CELSR1: variants seen among roughly 807,000 people sequenced by gnomAD.
The protein encoded by CELSR1 is cadherin EGF LAG seven-pass G-type receptor 1, also known as adhesion G protein-coupled receptor C1.
Under a neutral mutation model 249.1 loss-of-function variants are expected in CELSR1, and 110 were observed. That is an observed-to-expected ratio of 0.44 (90% confidence interval 0.38 to 0.52). The LOEUF (loss-of-function observed/expected upper bound fraction) is 0.52. Ranked by LOEUF, CELSR1 falls within the 20% of genes least tolerant of loss-of-function variation. The pLI is 0.00. For missense variants in CELSR1, 4,109 were observed against 4,296.4 expected (o/e 0.96, Z 1.22); for synonymous variants, 2,113 against 1,900.0 (o/e 1.11, Z -2.92).
In CELSR1 at chr22:46,397,674, C is replaced by T; in HGVS notation, c.5701G>A (p.Gly1901Arg). 6.7e-7 allele frequency: 1 copy of T among 1,501,984 alleles called. No individual in the cohort carries two copies. The highest frequency in any genetic ancestry group is 9.0e-7 in the Non-Finnish European group (1 of 1,117,022). The allele number at this position is 1,501,984 out of a possible 1,614,324, so 93.0% of individuals were successfully genotyped here. The change falls in exon 12 of 35, where the codon GGG (glycine) becomes AGG (arginine). Residue 1901 changes from glycine to arginine, a missense_variant and splice_region_variant. Gly to Arg is a moderately radical substitution (Grantham distance 125). Around this residue, in one of 7 missense-constraint regions of CELSR1, gnomAD observed 1,805 missense variants for 1,831.6 expected, o/e 0.99. Transcript: ENST00000674500. ...WEDYSCVCDKGYLGINCVDAC... is the reference protein window; with the variant it reads ...WEDYSCVCDKRYLGINCVDAC... ...AAGGGCCCCGGGAGGGCGGTCCCAC[C>T]TTTGTCACAGACGCAGCTGTAGTCC... is the stretch of plus-strand genomic sequence containing the variant.
chr22:46,490,993 C>T lies in CELSR1; in HGVS notation c.3545-26648G>A, dbSNP rs1490794258. On this transcript the variant is annotated intron_variant, in intron 1 of 34. Transcript: ENST00000674500. The surrounding 1 kb of genome is among the most constrained non-coding windows in gnomAD (Gnocchi z 5.2). ...GGGGGATTTTGTTCCCCTACAAGTT[C>T]AGGACCTCGGAAGTCAGGAGACGCC... Among the ~76,000 whole-genome samples the T allele has an allele frequency of 6.6e-6, 1 of 152,102 alleles. No homozygotes were observed. Among genetic ancestry groups the T allele is most frequent in the Non-Finnish European group, 1.5e-5 (1 of 68,028 alleles).
rs138188369 is a variant in CELSR1 at position 46,365,370 on chromosome 22, G to A, written c.8415C>T (p.Ser2805=). 9.3e-4 allele frequency: 1,506 copies of A among 1,612,752 alleles called. 5 individuals are homozygous for A. The Middle Eastern group carries it at 9.4e-3, about 10-fold the overall frequency. ...RSCKDPPGHD[S]DSDSELSLDE... Reference sequence around the variant, plus strand: ...CCAGGGACAGCTCGCTATCTGAGTCGGAATCGTGGCCTGTGGATGCGCGGG... The same window carrying A: ...CCAGGGACAGCTCGCTATCTGAGTCAGAATCGTGGCCTGTGGATGCGCGGG... The change falls in exon 32 of 35, where the codon TCC becomes TCT. Residue 2805 remains serine, a synonymous_variant. Transcript: ENST00000674500.
At chr22:46,502,328 G>C (rs1326833084) in intron 1 of CELSR1, among the ~76,000 whole-genome samples, 2 of 126,644 alleles carry the variant, frequency 1.6e-5, no homozygotes, top group Admixed American at 1.6e-4. Flanking sequence ...AGGAAGAGGG[G>C]AGGGTAGGGA....
intron 28 of CELSR1, 99 bp downstream of exon 28, chr22:46,367,630 G>A (rs964173169): frequency 5.7e-5 from 85 of 1,484,242 alleles, no homozygotes; most frequent in Non-Finnish European, 1.0e-5. Context: ...CCCAGGCAGG[G>A]CTGGTTTGGG....
At chr22:46,491,304 C>A (rs993424248) in intron 1 of CELSR1, among the ~76,000 whole-genome samples, 4 of 149,274 alleles carry the variant, frequency 2.7e-5, no homozygotes, top group Non-Finnish European at 5.9e-5. Flanking sequence ...AGCTCTGTCG[C>A]CCAGGCTGGA....
At position 46,535,335 on chromosome 22, in the gene CELSR1, C is replaced by G. The variant is rs776975951; in HGVS notation, c.1836G>C (p.Leu612=). 1.2e-6 allele frequency: 2 copies of G among 1,612,360 alleles called. No individual in the cohort carries two copies. The highest frequency in any genetic ancestry group is 1.7e-6 in the Non-Finnish European group (2 of 1,179,954). ...YRLVDTASTF[L]GGGSAGPKNP... Reference sequence around the variant, plus strand: ...TCTTAGGCCCAGCGCTGCCGCCCCCCAGAAAGGTGGAGGCCGTGTCCACCA... The same window carrying G: ...TCTTAGGCCCAGCGCTGCCGCCCCCGAGAAAGGTGGAGGCCGTGTCCACCA... Residue 612 remains leucine, a synonymous_variant, in exon 1 of 35, where the codon CTG becomes CTC. Transcript: ENST00000674500.
intron 1 of CELSR1, among the ~76,000 whole-genome samples, chr22:46,529,197 C>A (rs5768901): frequency 0.68 from 101,915 of 150,660 alleles, 35,828 homozygotes; most frequent in African/African-American, 0.88. Context: ...ACCCAGGAGG[C>A]GGAGCTTGCA....
Position 46,534,456 on chromosome 22 carries a change from A to G in CELSR1, c.2715T>C (p.Ala905=). 6.2e-7 allele frequency: 1 copy of G among 1,613,028 alleles called. No individual in the cohort carries two copies. The highest frequency in any genetic ancestry group is 8.5e-7 in the Non-Finnish European group (1 of 1,179,998). The change falls in exon 1 of 35, where the codon GCT becomes GCC. Residue 905 remains alanine, a synonymous_variant. Transcript: ENST00000674500. This position sits in a 1 kb window ranked among gnomAD's most constrained non-coding sequence, Gnocchi z 9.7. ...CCTGGAGGATGCTGGTCGAGGGTGG[A>G]GCATCCTCAAAGATGGAACCCTGGT... ...DFYQGSIFED[A]PPSTSILQVS... is the part of the protein sequence containing the mutation.
chr22:46,517,280 G>A lies in CELSR1; in HGVS notation c.3544+16347C>T, dbSNP rs1294595315. 6.6e-6 allele frequency among the ~76,000 whole-genome samples: 1 copy of A among 152,214 alleles called. No homozygotes were observed. The highest frequency in any genetic ancestry group is 1.5e-5 in the Non-Finnish European group (1 of 68,034). On this transcript the variant is annotated intron_variant, in intron 1 of 34. Transcript: ENST00000674500. The surrounding 1 kb of genome is among the most constrained non-coding windows in gnomAD (Gnocchi z 5.4). ...AAAATGCTGGGCCGATGACCCGCAG[G>A]AAAAACAGGAGGGAAGAGAGAATTC...
At position 46,389,350 on chromosome 22, in the gene CELSR1, C is replaced by T. The variant is rs1389564669; in HGVS notation, c.6495G>A (p.Gln2165=). ...CGAAGCCCTGCTGCCAGCTCTCGTGCTGAAGGACGTGGCCCAGCAGCTGGT... is the reference window on the plus strand; with the variant it reads ...CGAAGCCCTGCTGCCAGCTCTCGTGTTGAAGGACGTGGCCCAGCAGCTGGT... ...TAYQLLGHVL[Q]HESWQQGFDL... The change falls in exon 18 of 35, where the codon CAG becomes CAA. Residue 2165 remains glutamine (Q), a synonymous_variant. Coordinates refer to ENST00000674500, the MANE Select transcript of CELSR1 (RefSeq NM_001378328.1). The T allele has an allele frequency of 2.5e-6, 4 of 1,611,010 alleles. No individual in the cohort carries two copies. The highest frequency in any genetic ancestry group is 2.5e-6 in the Non-Finnish European group (3 of 1,179,870).
In CELSR1 at chr22:46,526,757, C is replaced by T. The variant is rs529313495; in HGVS notation, c.3544+6870G>A. On this transcript the variant is annotated intron_variant, in intron 1 of 34. Coordinates refer to ENST00000674500, the MANE Select transcript of CELSR1 (RefSeq NM_001378328.1). The surrounding 1 kb of genome is among the most constrained non-coding windows in gnomAD (Gnocchi z 4.7). Reference sequence around the variant, plus strand: ...CTATTCGGGCCATGGCTCCTCAAGGCTGGGCCTGGGTCCCCTCCTAACTGC... The same window carrying T: ...CTATTCGGGCCATGGCTCCTCAAGGTTGGGCCTGGGTCCCCTCCTAACTGC... Among the ~76,000 whole-genome samples the T allele has an allele frequency of 1.2e-4, 18 of 152,340 alleles. No homozygotes were observed. The highest frequency in any genetic ancestry group is 4.3e-4 in the African/African-American group (18 of 41,586).
chr22:46,503,793 G>A (rs1249887674), intron 1 of CELSR1, among the ~76,000 whole-genome samples: 1 of 152,234 alleles, frequency 6.6e-6, no homozygotes, highest in Admixed American at 6.5e-5. Context: ...ACTTTGGGAG[G>A]CTGAGGCAGG....
intron 32 of CELSR1, 35 bp from the exon 33 acceptor site, chr22:46,364,771 C>T (rs1414489911): frequency 1.9e-6 from 3 of 1,582,980 alleles, no homozygotes; most frequent in Non-Finnish European, 2.6e-6. Context: ...CAGGCAGCGG[C>T]ACTGCCACTC....
At chr22:46,522,031 A>C (rs1271480277) in intron 1 of CELSR1, among the ~76,000 whole-genome samples, 1 of 152,146 alleles carries the variant, frequency 6.6e-6, no homozygotes, top group African/African-American at 2.4e-5. Context: ...TTTTGACCAC[A>C]GTCATCCTAA....
chr22:46,369,582 G>GC (rs1429096485), intron 26 of CELSR1, 110 bp downstream of exon 26: 4 of 950,324 alleles, frequency 4.2e-6, no homozygotes, highest in African/African-American at 3.3e-5. Flanking sequence ...GGCCCTTCCT[G>GC]CCCCCCGTCG....
rs1342561685 is a variant in CELSR1 at position 46,390,076 on chromosome 22, A to G, written c.6345+316T>C. ...GATAGCGAGTGGGAGACGTGGGAAC[A>G]AAAGCCATGAAATAGGGCAGGATCA... is the stretch of plus-strand genomic sequence containing the variant. On this transcript the variant is annotated intron_variant, in intron 17 of 34. Coordinates refer to ENST00000674500, the MANE Select transcript of CELSR1 (RefSeq NM_001378328.1). This position sits in a 1 kb window ranked among gnomAD's most constrained non-coding sequence, Gnocchi z 6.3. Among the ~76,000 whole-genome samples, 1 of 152,238 alleles carries G rather than the reference A, an allele frequency of 6.6e-6. No individual in the cohort carries two copies. Among genetic ancestry groups the G allele is most frequent in the African/African-American group, 2.4e-5 (1 of 41,466 alleles).
In CELSR1 at chr22:46,374,022, G is replaced by A. The variant is rs973807077; in HGVS notation, c.7585-965C>T. Among the ~76,000 whole-genome samples, 4 of 152,192 alleles carry A rather than the reference G, an allele frequency of 2.6e-5. No homozygotes were observed. The highest frequency in any genetic ancestry group is 4.8e-5 in the African/African-American group (2 of 41,454). ...GCCACCCTCCAGAAACAACGCCCCCGAGGTGGGGAGGGCCCCAAGTCAGCA... is the reference window on the plus strand; with the variant it reads ...GCCACCCTCCAGAAACAACGCCCCCAAGGTGGGGAGGGCCCCAAGTCAGCA... On this transcript the variant is annotated intron_variant, in intron 24 of 34. Coordinates refer to ENST00000674500, the MANE Select transcript of CELSR1 (RefSeq NM_001378328.1). The surrounding 1 kb of genome is among the most constrained non-coding windows in gnomAD (Gnocchi z 4.3).
intron 14 of CELSR1, 140 bp downstream of exon 14, chr22:46,394,002 G>T: frequency 8.8e-7 from 1 of 1,132,302 alleles, no homozygotes; most frequent in East Asian, 2.4e-5. Context: ...ACACAAATGT[G>T]ATGTGAGTGG....
At position 46,517,228 on chromosome 22, in the gene CELSR1, C is replaced by T. The variant is rs1475400768; in HGVS notation, c.3544+16399G>A. ...CCCCTGAAGGGGCTTGGCCCATTTT[C>T]CCACTGCTCCACCTTTGCTCTGGCA... On this transcript the variant is annotated intron_variant, in intron 1 of 34. Transcript: ENST00000674500. The surrounding 1 kb of genome is among the most constrained non-coding windows in gnomAD (Gnocchi z 5.4). Among the ~76,000 whole-genome samples, 3 of 152,250 alleles carry T rather than the reference C, an allele frequency of 2.0e-5. No individual in the cohort carries two copies. Among genetic ancestry groups the T allele is most frequent in the Non-Finnish European group, 4.4e-5 (3 of 68,038 alleles).
Sources: gnomAD v4.1 joint callset for allele counts (sites outside exome capture counted in the v4.1 genomes callset) on GRCh38, gnomAD v4.1.1 for gene constraint, gnomAD v4.1.1 regional missense constraint, Gnocchi (gnomAD v3.1) non-coding constraint, MANE v1.5 for transcripts, NCBI Gene and HGNC (gene_info 2026-07-23, HGNC 2026-07-21) for gene names.